WDR47: variants seen among roughly 807,000 people sequenced by gnomAD.
The protein encoded by WDR47 is WD repeat domain 47, also known as WD repeat-containing protein 47.
A neutral mutation model predicts 97.2 loss-of-function variants in WDR47; 32 were observed. The observed-to-expected ratio is 0.33, with a 90% CI of 0.25 to 0.44. WDR47 has a LOEUF of 0.44. WDR47 is among the 20% of genes least tolerant of loss of function. The pLI is 1.00. For missense variants in WDR47, 782 were observed against 1,102.3 expected, an observed-to-expected ratio of 0.71 and a Z score of 4.11; for synonymous variants, 375 against 373.5, an observed-to-expected ratio of 1.00 and a Z score of -0.05.
At chr1:108,974,042 A>G (rs1657691063) in intron 14 of WDR47, among the ~76,000 whole-genome samples, 1 of 151,832 alleles carries the variant, frequency 6.6e-6, no homozygotes, top group South Asian at 2.1e-4. Context: ...GAAGATACAA[A>G]TATTAGCCAG....
At chr1:108,994,030 T>C (rs1261498704) in intron 8 of WDR47, among the ~76,000 whole-genome samples, 1 of 152,162 alleles carries the variant, frequency 6.6e-6, no homozygotes, top group African/African-American at 2.4e-5. Context: ...AATTGATATA[T>C]ACTGAAAATA....
intron 14 of WDR47, among the ~76,000 whole-genome samples, chr1:108,973,131 TTCC>T (rs1384787327): frequency 3.8e-4 from 58 of 152,148 alleles, no homozygotes; most frequent in African/African-American, 1.3e-3. Flanking sequence ...GCCTGGCTTG[TTCC>T]TCCTCATCAT....
intron 1 of WDR47, among the ~76,000 whole-genome samples, chr1:109,028,686 C>G (rs569812710): frequency 1.3e-3 from 189 of 146,264 alleles, no homozygotes; most frequent in African/African-American, 4.7e-3. Flanking sequence ...CTCCTGATCT[C>G]GTCATCCGCC....
intron 5 of WDR47, among the ~76,000 whole-genome samples, chr1:109,009,014 G>A (rs1176670447): frequency 1.3e-5 from 2 of 152,018 alleles, no homozygotes; most frequent in Non-Finnish European, 2.9e-5. Flanking sequence ...GAACCCGGGA[G>A]GCAGAGGTTG....
chr1:109,020,933 C>T (rs1394437246), intron 2 of WDR47, among the ~76,000 whole-genome samples: 1 of 147,030 alleles, frequency 6.8e-6, no homozygotes, highest in African/African-American at 2.5e-5. Flanking sequence ...GTCGCCCAAG[C>T]TGGAATACAA....
Position 109,010,025 on chromosome 1 carries a change from A to G in WDR47, c.1130+891T>C, listed in dbSNP as rs1297634979. ...AAAAAAAACAAAAAAACAAAAAAAC[A>G]TACTCATAGAAAAAAAGACTGGTCC... On this transcript the variant is annotated intron_variant, in intron 5 of 14. Coordinates refer to ENST00000369962, the MANE Select transcript of WDR47 (RefSeq NM_001142551.2). 2.6e-4 allele frequency among the ~76,000 whole-genome samples: 40 copies of G among 151,962 alleles called. 1 individual carries two copies. The highest frequency in any genetic ancestry group is 2.6e-3 in the Admixed American group (40 of 15,222).
At chr1:109,015,284 C>T (rs1469823373) in intron 3 of WDR47, among the ~76,000 whole-genome samples, 1 of 152,150 alleles carries the variant, frequency 6.6e-6, no homozygotes, top group African/African-American at 2.4e-5. Context: ...ATAAATCTTA[C>T]ATAAAATACC....
chr1:108,991,381 CT>C, intron 8 of WDR47, 52 bp from the exon 9 acceptor site: 14 of 1,515,910 alleles, frequency 9.2e-6, no homozygotes, highest in Non-Finnish European at 1.2e-5. Context: ...AAAATAGAAA[CT>C]AAATTAATTT....
At chr1:109,041,719 G>GACCCCTC (rs1453904614) in intron 1 of WDR47, 143 bp downstream of exon 1, 1 of 152,260 alleles carries the variant, frequency 6.6e-6, no homozygotes, top group Admixed American at 6.5e-5. Context: ...GCCCACTAAA[G>GACCCCTC]ACCCCTCTCC....
At chr1:109,036,146 G>A (rs1395460938) in intron 1 of WDR47, among the ~76,000 whole-genome samples, 1 of 152,020 alleles carries the variant, frequency 6.6e-6, no homozygotes, top group Admixed American at 6.6e-5. Flanking sequence ...AAAAACTACT[G>A]GGTACTATTT....
chr1:109,019,698 A>C (rs142742022), intron 2 of WDR47, among the ~76,000 whole-genome samples: 1 of 152,156 alleles, frequency 6.6e-6, no homozygotes, highest in East Asian at 1.9e-4. Flanking sequence ...CTACATTGTG[A>C]ATTCTATGTG....
intron 9 of WDR47, 30 bp from the exon 10 acceptor site, chr1:108,986,710 AT>A (rs1658853849): frequency 6.7e-7 from 1 of 1,483,006 alleles, no homozygotes; most frequent in Non-Finnish European, 9.1e-7. Context: ...TAGTTATCCT[AT>A]TAAAAAAATG....
intron 1 of WDR47, chr1:109,030,198 C>T (rs994269312): frequency 3.3e-5 from 50 of 1,523,030 alleles, no homozygotes; most frequent in Non-Finnish European, 4.0e-5. Context: ...TAAATCACCA[C>T]GGTCTTTAGC....
chr1:108,992,908 T>A, intron 8 of WDR47: 1 of 893,522 alleles, frequency 1.1e-6, no homozygotes, highest in Non-Finnish European at 1.7e-6. Context: ...GGTGAGGAAA[T>A]TGCTAAATAA....
At chr1:108,974,149 C>T (rs1027657353) in intron 14 of WDR47, among the ~76,000 whole-genome samples, 9 of 151,980 alleles carry the variant, frequency 5.9e-5, no homozygotes, top group African/African-American at 1.9e-4. Context: ...GAGCTAAGAT[C>T]ACACCACTGC....
intron 1 of WDR47, chr1:109,030,465 A>T: frequency 9.6e-6 from 3 of 313,950 alleles, no homozygotes; most frequent in Non-Finnish European, 5.6e-6. Context: ...AAAAAAACAC[A>T]ACAGGCCAAG....
chr1:109,011,843 C>A, intron 4 of WDR47, 125 bp from the exon 5 acceptor site: 3 of 850,906 alleles, frequency 3.5e-6, no homozygotes, highest in Non-Finnish European at 5.2e-6. Context: ...GTAGGATATG[C>A]AACAGCTTTC....
Position 108,971,496 on chromosome 1 carries a change from G to T in WDR47, c.2694C>A (p.Thr898=). The change falls in exon 15 of 15, where the codon ACC becomes ACA. Residue 898 remains threonine (T), a synonymous_variant. Coordinates refer to ENST00000369962, the MANE Select transcript of WDR47 (RefSeq NM_001142551.2). The part of the protein sequence containing the change: ...KDKVIQCRWH[T]QDLSFLSSSA... ...AGGATGACAGGAAGGAAAGATCCTG[G>T]GTGTGCCATCTGCACTGAATCACTT... The T allele has an allele frequency of 2.5e-6, 4 of 1,614,122 alleles. No homozygotes were observed. The highest frequency in any genetic ancestry group is 3.4e-6 in the Non-Finnish European group (4 of 1,180,032).
At chr1:108,977,016 C>T (rs142064338) in intron 13 of WDR47, among the ~76,000 whole-genome samples, 149 of 152,156 alleles carry the variant, frequency 9.8e-4, no homozygotes, top group Non-Finnish European at 1.7e-3. Context: ...TTGACTGCTA[C>T]GTGGATTGCA....
Sources: allele counts gnomAD v4.1 joint callset (sites outside exome capture counted in the v4.1 genomes callset), GRCh38; gene constraint gnomAD v4.1.1; transcripts MANE v1.5; gene names NCBI Gene and HGNC (gene_info 2026-07-23, HGNC 2026-07-21).